Variants in ROBO2 observed in about 807,000 individuals in gnomAD.
The protein encoded by ROBO2 is roundabout homolog 2.
In ROBO2, 53 loss-of-function variants were observed where a neutral mutation model predicts 160.8. The observed-to-expected ratio is 0.33, with a 90% CI of 0.26 to 0.41. The LOEUF is 0.41. Among genes scored for constraint, ROBO2 ranks in the 10% least tolerant of loss-of-function variants. The probability of loss-of-function intolerance (pLI) is 1.00; values close to 1 mark genes in which losing one functional copy is unlikely to be tolerated. For synonymous variants in ROBO2, 664 were observed against 611.7 expected (o/e 1.09, Z -1.26); for missense variants, 1,577 against 1,722.4 (o/e 0.92, Z 1.49).
At chr3:76,966,499 C>G (rs1220777152) in intron 2 of ROBO2, among the ~76,000 whole-genome samples, 1 of 152,148 alleles carries the variant, frequency 6.6e-6, no homozygotes, top group African/African-American at 2.4e-5. Flanking sequence ...ATGGCTCTCC[C>G]TCTGTGTAAC....
chr3:75,968,205 C>T (rs758779067), intron 2 of ROBO2, among the ~76,000 whole-genome samples: 1 of 151,264 alleles, frequency 6.6e-6, no homozygotes, highest in African/African-American at 2.4e-5. Flanking sequence ...ATATTTACAC[C>T]AAAGTTTTTG....
intron 3 of ROBO2, among the ~76,000 whole-genome samples, chr3:77,479,347 G>A (rs939232119): frequency 6.6e-6 from 1 of 152,164 alleles, no homozygotes; most frequent in African/African-American, 2.4e-5. Flanking sequence ...TGAGATTTCA[G>A]ACAGGGGATT....
At chr3:76,789,712 A>T (rs1426738466) in intron 2 of ROBO2, among the ~76,000 whole-genome samples, 2 of 151,718 alleles carry the variant, frequency 1.3e-5, no homozygotes, top group Non-Finnish European at 3.0e-5. Context: ...GACAAAGAGC[A>T]TAACGCAAAT....
At chr3:76,724,635 AC>A (rs1386699229) in intron 2 of ROBO2, among the ~76,000 whole-genome samples, 7 of 152,136 alleles carry the variant, frequency 4.6e-5, no homozygotes, top group African/African-American at 1.4e-4. Flanking sequence ...CTATTTGTTT[AC>A]CAAATACATC....
At chr3:76,337,363 G>A (rs956339063) in intron 2 of ROBO2, among the ~76,000 whole-genome samples, 5 of 152,080 alleles carry the variant, frequency 3.3e-5, no homozygotes, top group Non-Finnish European at 4.4e-5. Flanking sequence ...CAATTGTTAG[G>A]TCCACTTAGG....
At chr3:76,007,362 A>G (rs1488442113) in intron 2 of ROBO2, among the ~76,000 whole-genome samples, 1 of 152,158 alleles carries the variant, frequency 6.6e-6, no homozygotes, top group Non-Finnish European at 1.5e-5. Context: ...GCTTCCAGGT[A>G]AAGTAAATAT....
chr3:77,317,190 C>A, intron 2 of ROBO2: 1 of 877,192 alleles, frequency 1.1e-6, no homozygotes, highest in Non-Finnish European at 2.0e-6. Context: ...CTAGAGCACC[C>A]CGGATGGAAG....
At chr3:76,938,419 G>A (rs573468093) in intron 2 of ROBO2, among the ~76,000 whole-genome samples, 1 of 147,122 alleles carries the variant, frequency 6.8e-6, no homozygotes, top group African/African-American at 2.5e-5. Flanking sequence ...CTCCTACACT[G>A]GCCTGCTTCC....
intron 17 of ROBO2, among the ~76,000 whole-genome samples, chr3:77,593,539 T>G (rs2094227747): frequency 6.6e-6 from 1 of 152,154 alleles, no homozygotes; most frequent in African/African-American, 2.4e-5. Context: ...ATATTACACA[T>G]AAAATTGATA....
chr3:77,011,804 A>G (rs746386648), intron 2 of ROBO2, among the ~76,000 whole-genome samples: 7 of 151,882 alleles, frequency 4.6e-5, no homozygotes, highest in Non-Finnish European at 7.4e-5. Flanking sequence ...TGTGCTATCT[A>G]TTTCCTGGTG....
intron 2 of ROBO2, among the ~76,000 whole-genome samples, chr3:76,424,212 A>G (rs974172967): frequency 1.3e-5 from 2 of 152,200 alleles, no homozygotes; most frequent in Non-Finnish European, 2.9e-5. Context: ...ATTATTCAAT[A>G]CTTATACGTT....
At chr3:76,896,714 C>A (rs1247280438) in intron 2 of ROBO2, among the ~76,000 whole-genome samples, 1 of 152,030 alleles carries the variant, frequency 6.6e-6, no homozygotes, top group East Asian at 1.9e-4. Flanking sequence ...AGTCTGATAA[C>A]ATTGGTGACT....
intron 2 of ROBO2, among the ~76,000 whole-genome samples, chr3:76,053,045 A>G (rs1015685899): frequency 2.6e-5 from 4 of 152,046 alleles, no homozygotes; most frequent in African/African-American, 7.2e-5. Flanking sequence ...GTTATAAGAA[A>G]TAATACAGAG....
intron 5 of ROBO2, among the ~76,000 whole-genome samples, chr3:77,520,336 C>T (rs2090466097): frequency 6.6e-6 from 1 of 151,168 alleles, no homozygotes; most frequent in African/African-American, 2.4e-5. Context: ...TTATTGATAA[C>T]ATGACTTTGA....
At chr3:77,400,583 C>T (rs983503861) in intron 2 of ROBO2, among the ~76,000 whole-genome samples, 2 of 152,112 alleles carry the variant, frequency 1.3e-5, no homozygotes, top group African/African-American at 4.8e-5. Context: ...TATTTAATTT[C>T]CATATTTGTT....
chr3:76,701,123 C>T (rs766135367), intron 2 of ROBO2, among the ~76,000 whole-genome samples: 10 of 152,006 alleles, frequency 6.6e-5, no homozygotes, highest in Non-Finnish European at 8.8e-5. Flanking sequence ...AAAAAATGCC[C>T]GCTTTTTGCA....
At chr3:76,178,062 C>G (rs933707824) in intron 2 of ROBO2, among the ~76,000 whole-genome samples, 3 of 152,180 alleles carry the variant, frequency 2.0e-5, no homozygotes, top group African/African-American at 4.8e-5. Context: ...ATACGTGTAT[C>G]TCTATTTGAT....
At chr3:77,100,073 G>T (rs559233426) in intron 2 of ROBO2, among the ~76,000 whole-genome samples, 1 of 152,104 alleles carries the variant, frequency 6.6e-6, no homozygotes, top group Non-Finnish European at 1.5e-5. Flanking sequence ...CTGTCATTTT[G>T]TTGTTTCATC....
intron 2 of ROBO2, chr3:77,317,012 C>A (rs1244860221): frequency 3.9e-6 from 6 of 1,525,998 alleles, no homozygotes; most frequent in African/African-American, 1.4e-5. Flanking sequence ...TTCTTGTTCA[C>A]CTTCTGGTAA....
Sources: allele counts gnomAD v4.1 joint callset (sites outside exome capture counted in the v4.1 genomes callset), GRCh38; gene constraint gnomAD v4.1.1; transcripts MANE v1.5; gene names NCBI Gene and HGNC (gene_info 2026-07-23, HGNC 2026-07-21).